PTPRK: variants seen among roughly 807,000 people sequenced by gnomAD.
The protein encoded by PTPRK is receptor-type tyrosine-protein phosphatase kappa.
PTPRK carries 75 observed loss-of-function variants against 178.0 expected under a neutral mutation model. The observed-to-expected ratio is 0.42, with a 90% CI of 0.35 to 0.51. PTPRK has a LOEUF of 0.51. Ranked by LOEUF, PTPRK falls within the 20% of genes least tolerant of loss-of-function variation. The probability of loss-of-function intolerance (pLI) is 0.02; values close to 1 mark genes in which losing one functional copy is unlikely to be tolerated. For synonymous variants in PTPRK, 637 were observed against 620.6 expected (o/e 1.03, Z -0.39); for missense variants, 1,441 against 1,797.8 (o/e 0.80, Z 3.59).
intron 7 of PTPRK, among the ~76,000 whole-genome samples, chr6:128,140,429 A>T (rs1448381620): frequency 6.6e-6 from 1 of 152,036 alleles, no homozygotes; most frequent in Non-Finnish European, 1.5e-5. Context: ...AATAAATGTC[A>T]GGAGCTTGTC....
rs533702172 is a variant in PTPRK, at chr6:128,427,974, T to C, written c.101-30286A>G. Among the ~76,000 whole-genome samples the C allele has an allele frequency of 2.6e-5, 4 of 152,080 alleles. No individual in the cohort carries two copies. The East Asian group carries it at 5.8e-4, about 22-fold the overall frequency. ...CGGGCATGGTGGTGGGTGCCTGTGGTCCCAGCTACTTGGGAGGCTGAGGCA... is the reference window on the plus strand; with the variant it reads ...CGGGCATGGTGGTGGGTGCCTGTGGCCCCAGCTACTTGGGAGGCTGAGGCA... On this transcript the variant is annotated intron_variant, in intron 1 of 29. Coordinates refer to ENST00000368226, the MANE Select transcript of PTPRK (RefSeq NM_002844.4).
Position 127,996,619 on chromosome 6 carries a change from G to A in PTPRK, c.2767+282C>T, listed in dbSNP as rs531609987. On this transcript the variant is annotated intron_variant, in intron 17 of 29. Coordinates refer to ENST00000368226, the MANE Select transcript of PTPRK (RefSeq NM_002844.4). ...CCTGATTAACCAGGATTACAGGTGC[G>A]TGCCACCAAGCCAGCTGATTTTTGT... 6.6e-5 allele frequency among the ~76,000 whole-genome samples: 10 copies of A among 152,106 alleles called. No individual in the cohort carries two copies. In the East Asian group the frequency reaches 7.8e-4, roughly 12 times the overall value.
chr6:128,473,404 A>ATTTTTTTTTTTTTTTTTTTTTTTTTTT (rs67418131), intron 1 of PTPRK, among the ~76,000 whole-genome samples: 7 of 90,872 alleles, frequency 7.7e-5, no homozygotes, highest in Non-Finnish European at 1.1e-4. Flanking sequence ...TATGGTTACT[A>ATTTTTTTTTTTTTTTTTTTTTTTTTTT]TTTTTTTTTT....
intron 7 of PTPRK, among the ~76,000 whole-genome samples, chr6:128,126,657 A>C (rs142903363): frequency 6.6e-6 from 1 of 152,008 alleles, no homozygotes; most frequent in African/African-American, 2.4e-5. Context: ...TGGATAATTA[A>C]ATAAAAAAAT....
intron 2 of PTPRK, among the ~76,000 whole-genome samples, chr6:128,390,628 G>A (rs531506231): frequency 5.9e-5 from 9 of 152,124 alleles, no homozygotes; most frequent in East Asian, 3.9e-4. Flanking sequence ...AAGCACGGTG[G>A]TACTGGAACA....
At chr6:127,970,333 T>C (rs1419384329) in intron 29 of PTPRK, 53 bp from the exon 30 acceptor site, 13 of 1,434,362 alleles carry the variant, frequency 9.1e-6, no homozygotes, top group Non-Finnish European at 1.2e-5. Context: ...GAGACTAATG[T>C]TGAATAACAG....
intron 2 of PTPRK, among the ~76,000 whole-genome samples, chr6:128,328,783 A>C (rs957673118): frequency 1.3e-5 from 2 of 152,214 alleles, no homozygotes; most frequent in Non-Finnish European, 2.9e-5. Context: ...ATTAGCAATG[A>C]TCTCATAATT....
intron 29 of PTPRK, among the ~76,000 whole-genome samples, chr6:127,972,392 ACTTT>A (rs1562361841): frequency 6.6e-6 from 1 of 152,170 alleles, no homozygotes; most frequent in African/African-American, 2.4e-5. Context: ...GATAAGTGTA[ACTTT>A]CTTTCTTACT....
chr6:128,007,871 C>T (rs1378191920), intron 14 of PTPRK, among the ~76,000 whole-genome samples: 2 of 150,964 alleles, frequency 1.3e-5, no homozygotes, highest in Non-Finnish European at 3.0e-5. Flanking sequence ...CTGAAGGTTA[C>T]ATTTGGTGAT....
chr6:128,491,365 A>T (rs866390648), intron 1 of PTPRK, among the ~76,000 whole-genome samples: 3 of 152,226 alleles, frequency 2.0e-5, no homozygotes, highest in African/African-American at 7.2e-5. Flanking sequence ...TAATATAGAA[A>T]TGTTAGTGGT....
In PTPRK at chr6:127,970,015, A is replaced by C. The variant is rs919438315; in HGVS notation, c.*212T>G. On this transcript the variant is annotated 3_prime_UTR_variant, in exon 30 of 30. Transcript: ENST00000368226. ...TTAAATATAATTTATGTGGCATGAA[A>C]TGTTGATGCTTTAATATAGTAATAA... 2 of 452,912 alleles carry C rather than the reference A, an allele frequency of 4.4e-6. No homozygotes were observed. Among genetic ancestry groups the C allele is most frequent in the South Asian group, 8.6e-5 (2 of 23,322 alleles). 28.1% of individuals were successfully genotyped at this position (452,912 alleles called of 1,614,324 possible). A position where few individuals can be genotyped will look rare whatever the true frequency, so the allele number is the denominator to read the frequency against.
intron 7 of PTPRK, among the ~76,000 whole-genome samples, chr6:128,129,318 T>C (rs1233999519): frequency 6.6e-6 from 1 of 152,214 alleles, no homozygotes; most frequent in Non-Finnish European, 1.5e-5. Flanking sequence ...GTGTGGTGCA[T>C]GTTTTCATTA....
chr6:128,437,665 A>T (rs1010666924), intron 1 of PTPRK, among the ~76,000 whole-genome samples: 1 of 152,236 alleles, frequency 6.6e-6, no homozygotes, highest in African/African-American at 2.4e-5. Flanking sequence ...AGAGTGTAGA[A>T]TAAAGATGTT....
chr6:128,460,031 G>A (rs1471595330), intron 1 of PTPRK, among the ~76,000 whole-genome samples: 1 of 152,094 alleles, frequency 6.6e-6, no homozygotes, highest in Non-Finnish European at 1.5e-5. Context: ...TCTACCAGGA[G>A]AACAGCACTA....
intron 1 of PTPRK, 113 bp downstream of exon 1, chr6:128,520,146 C>T: frequency 1.1e-6 from 1 of 939,824 alleles, no homozygotes; most frequent in South Asian, 1.7e-5. Flanking sequence ...TCCCCACCCC[C>T]GGACAGAGAG....
At chr6:128,264,932 G>A (rs536413007) in intron 3 of PTPRK, among the ~76,000 whole-genome samples, 3 of 152,126 alleles carry the variant, frequency 2.0e-5, no homozygotes, top group Non-Finnish European at 4.4e-5. Context: ...TGCCATCCAT[G>A]TAAGATGTGA....
intron 2 of PTPRK, among the ~76,000 whole-genome samples, chr6:128,385,005 TC>T (rs1838490405): frequency 6.6e-6 from 1 of 150,476 alleles, no homozygotes; most frequent in South Asian, 2.1e-4. Context: ...CAACTTTATT[TC>T]TTGGAAGAGC....
intron 13 of PTPRK, among the ~76,000 whole-genome samples, chr6:128,030,625 C>T (rs1775157337): frequency 6.6e-6 from 1 of 152,148 alleles, no homozygotes; most frequent in Non-Finnish European, 1.5e-5. Flanking sequence ...ATGCGTGACT[C>T]TGACTGAAAA....
chr6:128,278,146 T>C lies in PTPRK; in HGVS notation c.496-35544A>G, dbSNP rs190028355. Among the ~76,000 whole-genome samples, 1,174 of 149,982 alleles carry C rather than the reference T, an allele frequency of 7.8e-3. 24 individuals are homozygous for C. The highest frequency in any genetic ancestry group is 0.027 in the African/African-American group (1,125 of 41,100). On this transcript the variant is annotated intron_variant, in intron 3 of 29. Coordinates refer to ENST00000368226, the MANE Select transcript of PTPRK (RefSeq NM_002844.4). ...TTTTTTATTTATTTATTTATTTATT[T>C]ATTTATTTATTTATTTATTTATTTA...
Sources: gnomAD v4.1 joint callset for allele counts (sites outside exome capture counted in the v4.1 genomes callset) on GRCh38, gnomAD v4.1.1 for gene constraint, MANE v1.5 for transcripts, NCBI Gene and HGNC (gene_info 2026-07-23, HGNC 2026-07-21) for gene names.